SOX6: variants seen among roughly 807,000 people sequenced by gnomAD.
SOX6 encodes SRY-box transcription factor 6.
Under a neutral mutation model 97.8 loss-of-function variants are expected in SOX6, and 11 were observed. The ratio of observed to expected loss-of-function variants is 0.11; its 90% CI spans 0.07 to 0.19. SOX6 has a LOEUF of 0.19. Among genes scored for constraint, SOX6 ranks in the 10% least tolerant of loss-of-function variants. SOX6 has a pLI of 1.00. For synonymous variants in SOX6, 360 were observed against 371.4 expected, an observed-to-expected ratio of 0.97 and a Z score of 0.35; for missense variants, 810 against 1,039.5, an observed-to-expected ratio of 0.78 and a Z score of 3.04.
At chr11:16,095,285 G>T (rs1282806987) in intron 9 of SOX6, among the ~76,000 whole-genome samples, 1 of 151,796 alleles carries the variant, frequency 6.6e-6, no homozygotes, top group East Asian at 1.9e-4. Flanking sequence ...CATGAAATTG[G>T]AGAGAGAAGG....
At chr11:16,230,680 CTT>C (rs1226533072) in intron 4 of SOX6, among the ~76,000 whole-genome samples, 2 of 151,578 alleles carry the variant, frequency 1.3e-5, no homozygotes, top group African/African-American at 4.8e-5. Context: ...TAAAAAATCA[CTT>C]TGGAATTTTA....
At chr11:16,372,237 A>C (rs1857510578) in intron 1 of SOX6, among the ~76,000 whole-genome samples, 1 of 152,130 alleles carries the variant, frequency 6.6e-6, no homozygotes, top group South Asian at 2.1e-4. Flanking sequence ...TGACCAGAAT[A>C]AATAAAACAG....
chr11:16,152,312 G>A, intron 6 of SOX6, among the ~76,000 whole-genome samples: 1 of 152,098 alleles, frequency 6.6e-6, no homozygotes, highest in East Asian at 1.9e-4. Flanking sequence ...ATGGTCAAAA[G>A]TCACAGGCGT....
At chr11:16,178,508 T>G (rs898127907) in intron 6 of SOX6, among the ~76,000 whole-genome samples, 1 of 151,888 alleles carries the variant, frequency 6.6e-6, no homozygotes, top group Non-Finnish European at 1.5e-5. Context: ...AGAGGGTCTG[T>G]TTTTCCTGGC....
At chr11:16,389,934 C>T (rs993541040) in intron 1 of SOX6, among the ~76,000 whole-genome samples, 2 of 124,320 alleles carry the variant, frequency 1.6e-5, no homozygotes, top group African/African-American at 6.4e-5. Flanking sequence ...GGCGCCACTG[C>T]AGTCTAGCCT....
intron 6 of SOX6, among the ~76,000 whole-genome samples, chr11:16,138,378 C>T (rs557304642): frequency 6.6e-6 from 1 of 152,012 alleles, no homozygotes; most frequent in Admixed American, 6.6e-5. Flanking sequence ...GATTCTGATG[C>T]CTTCACTTTT....
intron 3 of SOX6, among the ~76,000 whole-genome samples, chr11:16,638,240 A>C (rs1434699574): frequency 6.6e-6 from 1 of 151,868 alleles, no homozygotes; most frequent in African/African-American, 2.4e-5. Flanking sequence ...TGAACTCATC[A>C]TTTTTTATGG....
At chr11:16,625,107 A>C (rs538074734) in intron 3 of SOX6, among the ~76,000 whole-genome samples, 11 of 152,240 alleles carry the variant, frequency 7.2e-5, no homozygotes, top group African/African-American at 2.2e-4. Flanking sequence ...TATTTTGATG[A>C]GTAGATGTTT....
intron 3 of SOX6, among the ~76,000 whole-genome samples, chr11:16,704,378 CAG>C (rs1392745038): frequency 7.2e-5 from 11 of 152,076 alleles, no homozygotes; most frequent in Non-Finnish European, 1.3e-4. Flanking sequence ...AAATGGATAA[CAG>C]AGTGACAACA....
At chr11:16,564,937 A>G (rs78057495) in intron 4 of SOX6, among the ~76,000 whole-genome samples, 1,825 of 152,074 alleles carry the variant, frequency 0.012, 16 homozygotes, top group Non-Finnish European at 0.018. Flanking sequence ...ACCCAAAGCA[A>G]GCAGAAGGAA....
intron 4 of SOX6, among the ~76,000 whole-genome samples, chr11:16,489,072 C>T (rs765637825): frequency 1.3e-5 from 2 of 152,082 alleles, no homozygotes; most frequent in Non-Finnish European, 2.9e-5. Flanking sequence ...TAATAAAAGA[C>T]TATGTTCTTA....
intron 12 of SOX6, among the ~76,000 whole-genome samples, chr11:16,037,613 T>C (rs1014047759): frequency 6.6e-6 from 1 of 152,146 alleles, no homozygotes; most frequent in Non-Finnish European, 1.5e-5. Context: ...GAACTAAGTG[T>C]TATTAATCAC....
At chr11:16,487,445 T>C (rs920342861) in intron 4 of SOX6, among the ~76,000 whole-genome samples, 6 of 152,188 alleles carry the variant, frequency 3.9e-5, no homozygotes, top group African/African-American at 1.4e-4. Flanking sequence ...GTAAGATAGA[T>C]GCCATAGTTA....
intron 1 of SOX6, among the ~76,000 whole-genome samples, chr11:16,410,992 A>G (rs908083145): frequency 6.6e-6 from 1 of 151,770 alleles, no homozygotes; most frequent in African/African-American, 2.4e-5. Flanking sequence ...CTGAAAAAAA[A>G]AAAAAGAAAA....
At chr11:16,362,330 A>G (rs1260128851) in intron 1 of SOX6, among the ~76,000 whole-genome samples, 1 of 152,052 alleles carries the variant, frequency 6.6e-6, no homozygotes, top group Non-Finnish European at 1.5e-5. Flanking sequence ...TACAAGCAAT[A>G]AAAAAATAAA....
intron 2 of SOX6, among the ~76,000 whole-genome samples, chr11:16,725,256 G>A (rs1326021639): frequency 6.6e-6 from 1 of 152,232 alleles, no homozygotes; most frequent in African/African-American, 2.4e-5. Context: ...GGGCGCAGTG[G>A]CTGATGCCCA....
At position 16,172,906 on chromosome 11, in the gene SOX6, G is replaced by A. The variant is rs1053444998; in HGVS notation, c.777+10980C>T. On this transcript the variant is annotated intron_variant, in intron 6 of 15. Transcript: ENST00000683767. ...TCTGTCATTGTTCTAATACTATTTC[G>A]TCTCCAAGTTGGGGCTGCAGACTTT... 3.3e-5 allele frequency among the ~76,000 whole-genome samples: 5 copies of A among 151,830 alleles called. No homozygotes were observed. In the East Asian group the frequency reaches 5.8e-4, roughly 18 times the overall value.
At chr11:16,184,931 A>G (rs1419464744) in intron 5 of SOX6, among the ~76,000 whole-genome samples, 1 of 152,114 alleles carries the variant, frequency 6.6e-6, no homozygotes, top group African/African-American at 2.4e-5. Context: ...CCTTTTTGTC[A>G]AGAGTGTCTT....
chr11:16,075,856 T>C (rs1048915582), intron 9 of SOX6, among the ~76,000 whole-genome samples: 1 of 151,752 alleles, frequency 6.6e-6, no homozygotes, highest in Non-Finnish European at 1.5e-5. Context: ...AACAAAAGTG[T>C]GTGTGGAGGG....
Sources: gnomAD v4.1 joint callset for allele counts (sites outside exome capture counted in the v4.1 genomes callset) on GRCh38, gnomAD v4.1.1 for gene constraint, MANE v1.5 for transcripts, NCBI Gene and HGNC (gene_info 2026-07-23, HGNC 2026-07-21) for gene names.